Variants in HS3ST4 observed in about 807,000 individuals in gnomAD.
HS3ST4 encodes the protein heparan sulfate-glucosamine 3-sulfotransferase 4.
HS3ST4 carries 17 observed loss-of-function variants against 29.2 expected under a neutral mutation model. The ratio of observed to expected loss-of-function variants is 0.58; its 90% CI spans 0.40 to 0.87. HS3ST4 has a LOEUF of 0.87. Ranked by LOEUF, HS3ST4 falls within the 40% of genes least tolerant of loss-of-function variation. The probability of loss-of-function intolerance (pLI) is 0.00; values close to 1 mark genes in which losing one functional copy is unlikely to be tolerated. For synonymous variants in HS3ST4, 314 were observed against 285.7 expected (o/e 1.10, Z -1.00); for missense variants, 627 against 634.5 (o/e 0.99, Z 0.13).
At chr16:26,090,265 TCTC>T (rs1199972238) in intron 1 of HS3ST4, among the ~76,000 whole-genome samples, 2 of 147,466 alleles carry the variant, frequency 1.4e-5, no homozygotes, top group Non-Finnish European at 1.5e-5. Flanking sequence ...GTCCCAGTGT[TCTC>T]CTTGAGATTA....
At chr16:26,088,297 G>A (rs534685648) in intron 1 of HS3ST4, among the ~76,000 whole-genome samples, 25 of 152,286 alleles carry the variant, frequency 1.6e-4, no homozygotes, top group African/African-American at 6.0e-4. Context: ...CAGGGATTGT[G>A]GTGATAGTTT....
chr16:25,811,471 T>C (rs1967041607), intron 1 of HS3ST4, among the ~76,000 whole-genome samples: 1 of 150,778 alleles, frequency 6.6e-6, no homozygotes, highest in African/African-American at 2.4e-5. Context: ...TTCGCTCTTG[T>C]TGCCCAGGCT....
chr16:26,082,509 C>T (rs1003641483), intron 1 of HS3ST4, among the ~76,000 whole-genome samples: 1 of 152,206 alleles, frequency 6.6e-6, no homozygotes, highest in African/African-American at 2.4e-5. Context: ...CATTACCTAA[C>T]ATTTCTGCAC....
chr16:25,707,808 T>TA (rs1275962731), intron 1 of HS3ST4, among the ~76,000 whole-genome samples: 1 of 152,232 alleles, frequency 6.6e-6, no homozygotes, highest in East Asian at 1.9e-4. Flanking sequence ...TTCCACCACT[T>TA]ACAATGTTTC....
chr16:25,693,265 C>G, intron 1 of HS3ST4, 114 bp downstream of exon 1: 1 of 1,165,832 alleles, frequency 8.6e-7, no homozygotes, highest in Non-Finnish European at 1.2e-6. Flanking sequence ...GGCCCAAGCC[C>G]CCGCGAGGGC....
chr16:25,967,492 C>T (rs1303789197), intron 1 of HS3ST4, among the ~76,000 whole-genome samples: 1 of 152,128 alleles, frequency 6.6e-6, no homozygotes, highest in Non-Finnish European at 1.5e-5. Context: ...AAATATTTTG[C>T]TTTTTATTTT....
chr16:25,834,826 A>C (rs1204446142), intron 1 of HS3ST4, among the ~76,000 whole-genome samples: 1 of 152,150 alleles, frequency 6.6e-6, no homozygotes, highest in Non-Finnish European at 1.5e-5. Context: ...ACGTGCCTGT[A>C]ATCACAGCTA....
intron 1 of HS3ST4, among the ~76,000 whole-genome samples, chr16:25,842,581 A>T (rs1411703806): frequency 6.6e-6 from 1 of 152,224 alleles, no homozygotes; most frequent in Non-Finnish European, 1.5e-5. Context: ...TAACTGAATT[A>T]ACCCTGAAAT....
intron 1 of HS3ST4, among the ~76,000 whole-genome samples, chr16:25,842,380 C>T (rs1226032469): frequency 1.3e-5 from 2 of 152,200 alleles, no homozygotes; most frequent in East Asian, 3.8e-4. Context: ...TGGACTTCTT[C>T]CAATCTGCTC....
At chr16:25,919,995 C>T (rs1968331015) in intron 1 of HS3ST4, among the ~76,000 whole-genome samples, 1 of 152,176 alleles carries the variant, frequency 6.6e-6, no homozygotes, top group Non-Finnish European at 1.5e-5. Context: ...GGCTATGAGT[C>T]CAGGATGCAG....
chr16:26,092,301 T>C (rs188392833), intron 1 of HS3ST4, among the ~76,000 whole-genome samples: 8 of 152,198 alleles, frequency 5.3e-5, no homozygotes, highest in Admixed American at 4.6e-4. Context: ...CTGTTTGGCT[T>C]ACAGAGGAGG....
intron 1 of HS3ST4, among the ~76,000 whole-genome samples, chr16:25,739,945 C>A (rs971865407): frequency 2.0e-5 from 3 of 152,200 alleles, no homozygotes; most frequent in Non-Finnish European, 4.4e-5. Context: ...GGGTGAGACT[C>A]TTTACCCAGT....
chr16:25,786,546 C>T lies in HS3ST4; in HGVS notation c.734+93395C>T, dbSNP rs1031985610. On this transcript the variant is annotated intron_variant, in intron 1 of 1. Coordinates refer to ENST00000331351, the MANE Select transcript of HS3ST4 (RefSeq NM_006040.3). ...AAAATTCTAAGTGACCTCTGGATGA[C>T]AGAGGAGATAACTCTTTACCCTTTC... 1.3e-5 allele frequency among the ~76,000 whole-genome samples: 2 copies of T among 152,184 alleles called. 1 individual carries two copies. The highest frequency in any genetic ancestry group is 1.3e-4 in the Admixed American group (2 of 15,272).
chr16:25,755,471 T>C lies in HS3ST4; in HGVS notation c.734+62320T>C, dbSNP rs145873983. On this transcript the variant is annotated intron_variant, in intron 1 of 1. Coordinates refer to ENST00000331351, the MANE Select transcript of HS3ST4 (RefSeq NM_006040.3). ...AAAAACCATGGCATGCATGGAGAGG[T>C]TTGAGGGTGAATGGCTGACACAGGG... 2.9e-3 allele frequency among the ~76,000 whole-genome samples: 440 copies of C among 151,088 alleles called. 4 individuals are homozygous for C. The highest frequency in any genetic ancestry group is 0.01 in the African/African-American group (420 of 41,114).
At chr16:25,873,846 C>T (rs1967798144) in intron 1 of HS3ST4, among the ~76,000 whole-genome samples, 1 of 152,088 alleles carries the variant, frequency 6.6e-6, no homozygotes, top group South Asian at 2.1e-4. Flanking sequence ...CTATCCTGCC[C>T]TACATCCAGC....
chr16:26,029,264 T>A (rs1033352742), intron 1 of HS3ST4, among the ~76,000 whole-genome samples: 10 of 152,192 alleles, frequency 6.6e-5, no homozygotes, highest in African/African-American at 2.4e-4. Flanking sequence ...GGGGCAGGAC[T>A]GGTTTCATGG....
chr16:25,973,937 C>G (rs34501185), intron 1 of HS3ST4, among the ~76,000 whole-genome samples: 5,652 of 152,216 alleles, frequency 0.037, 385 homozygotes, highest in African/African-American at 0.13. Context: ...AATGGCCCCT[C>G]TCCCTCTGCA....
chr16:25,925,317 A>G (rs1968391066), intron 1 of HS3ST4, among the ~76,000 whole-genome samples: 1 of 151,934 alleles, frequency 6.6e-6, no homozygotes, highest in African/African-American at 2.4e-5. Flanking sequence ...CTGTCTGTTA[A>G]AGAGGAAGGC....
intron 1 of HS3ST4, among the ~76,000 whole-genome samples, chr16:25,724,889 T>G (rs1293184318): frequency 6.7e-6 from 1 of 149,870 alleles, no homozygotes; most frequent in East Asian, 2.0e-4. Flanking sequence ...TCTCTAGTCA[T>G]TATGTGAAAA....
Sources: allele counts gnomAD v4.1 joint callset (sites outside exome capture counted in the v4.1 genomes callset), GRCh38; gene constraint gnomAD v4.1.1; transcripts MANE v1.5; gene names NCBI Gene and HGNC (gene_info 2026-07-23, HGNC 2026-07-21).